GDPD3: variants seen among roughly 807,000 people sequenced by gnomAD.
The protein encoded by GDPD3 is glycerophosphodiester phosphodiesterase domain containing 3.
GDPD3 carries 40 observed loss-of-function variants against 43.7 expected under a neutral mutation model. That is an observed-to-expected ratio of 0.91 (90% CI 0.71 to 1.19). GDPD3 has a LOEUF of 1.19. Ranked by LOEUF, GDPD3 falls within the 50% of genes most tolerant of loss-of-function variation. GDPD3 has a pLI of 0.00. For missense variants in GDPD3, 363 were observed against 415.8 expected, an observed-to-expected ratio of 0.87 and a Z score of 1.11; for synonymous variants, 145 against 162.9, an observed-to-expected ratio of 0.89 and a Z score of 0.84.
chr16:30,108,684 G>A (rs921823658), intron 7 of GDPD3, among the ~76,000 whole-genome samples: 2 of 152,112 alleles, frequency 1.3e-5, no homozygotes, highest in Non-Finnish European at 1.5e-5. Flanking sequence ...CTTAGAGAAC[G>A]AAAGGGACTT....
Position 30,111,450 on chromosome 16 carries a change from C to A in GDPD3, c.645G>T (p.Leu215=). The A allele has an allele frequency of 6.2e-7, 1 of 1,614,018 alleles. No homozygotes were observed. Among genetic ancestry groups the A allele is most frequent in the Non-Finnish European group, 8.5e-7 (1 of 1,179,968 alleles). The part of the protein sequence containing the change: ...FWVLLSYYLG[L]LPFIPIPEKF... ...TCTCAGGGATTGGGATGAAGGGCAGCAGCCCCAGGTAGTAGGAAAGCAGCA... is the reference window on the plus strand; with the variant it reads ...TCTCAGGGATTGGGATGAAGGGCAGAAGCCCCAGGTAGTAGGAAAGCAGCA... The change falls in exon 7 of 10, where the codon CTG becomes CTT. Residue 215 remains leucine (L), a synonymous_variant. Coordinates refer to ENST00000406256, the MANE Select transcript of GDPD3 (RefSeq NM_024307.3).
intron 7 of GDPD3, among the ~76,000 whole-genome samples, chr16:30,109,032 C>T (rs56013963): frequency 6.6e-6 from 1 of 151,776 alleles, no homozygotes; most frequent in African/African-American, 2.4e-5. Flanking sequence ...GGGTTTCACC[C>T]TGTTAGCCAG....
At position 30,111,881 on chromosome 16, in the gene GDPD3, C is replaced by G. The variant is rs890450878; in HGVS notation, c.573+251G>C. ...CCAGGAGGCAGAGGTTGCAGTGAGC[C>G]GAGGTCGCACCACCGCACTCCAGCC... is the stretch of plus-strand genomic sequence containing the variant. On this transcript the variant is annotated intron_variant, in intron 6 of 9. Coordinates refer to ENST00000406256, the MANE Select transcript of GDPD3 (RefSeq NM_024307.3). The G allele has an allele frequency of 5.3e-6, 3 of 564,076 alleles. No individual in the cohort carries two copies. The African/African-American group carries it at 5.6e-5, about 11-fold the overall frequency. 34.9% of individuals were successfully genotyped at this position (564,076 alleles called of 1,614,324 possible). A position where few individuals can be genotyped will look rare whatever the true frequency, so the allele number is the denominator to read the frequency against.
intron 9 of GDPD3, among the ~76,000 whole-genome samples, chr16:30,105,788 C>A (rs2072856236): frequency 6.9e-6 from 1 of 145,936 alleles, no homozygotes; most frequent in African/African-American, 2.5e-5. Context: ...CAGGTGTGAG[C>A]CACCGCGCCC....
At chr16:30,111,294 G>T in intron 7 of GDPD3, 94 bp downstream of exon 7, 2 of 1,410,372 alleles carry the variant, frequency 1.4e-6, no homozygotes, top group Non-Finnish European at 1.9e-6. Context: ...GGTTATCTCT[G>T]AGGGGAGCTG....
In GDPD3 at chr16:30,113,427, G is replaced by A. The variant is rs745680408; in HGVS notation, c.52C>T (p.Leu18Phe). ...GGCCGGCGCAGGAAGAAGATGGAGA[G>A]CATGGCATAGCTGCCCAGGGCAGGG... is the stretch of plus-strand genomic sequence containing the variant. ...ALPALGSYAM[L>F]SIFFLRRPHL... Residue 18 changes from leucine to phenylalanine, a missense_variant, in exon 1 of 10, where the codon CTC becomes TTC. By Grantham distance (22) the Leu-to-Phe change is conservative. Coordinates refer to ENST00000406256, the MANE Select transcript of GDPD3 (RefSeq NM_024307.3). The surrounding 1 kb of genome is among the most constrained non-coding windows in gnomAD (Gnocchi z 5.9). 9 of 1,611,390 alleles carry A rather than the reference G, an allele frequency of 5.6e-6. No individual in the cohort carries two copies. The Admixed American group carries it at 1.5e-4, about 27-fold the overall frequency.
chr16:30,109,113 A>G (rs940155382), intron 7 of GDPD3, among the ~76,000 whole-genome samples: 1 of 152,004 alleles, frequency 6.6e-6, no homozygotes, highest in African/African-American at 2.4e-5. Flanking sequence ...TACAGGCGTG[A>G]GCCACCGTGC....
chr16:30,112,129 C>CA lies in GDPD3; in HGVS notation c.573+2dup. 1 of 1,612,540 alleles carries CA rather than the reference C, an allele frequency of 6.2e-7. No individual in the cohort carries two copies. The highest frequency in any genetic ancestry group is 8.5e-7 in the Non-Finnish European group (1 of 1,178,984). On this transcript the variant is annotated splice_region_variant and intron_variant, in intron 6 of 9. Coordinates refer to ENST00000406256, the MANE Select transcript of GDPD3 (RefSeq NM_024307.3). This position sits in a 1 kb window ranked among gnomAD's most constrained non-coding sequence, Gnocchi z 5.4. The stretch of plus-strand genomic sequence containing the variant: ...AGGACGGGGGAGGGGTGGGGGGACT[C>CA]ACGGCAGCCTTGCATTTCTTCATGA...
At chr16:30,108,055 G>A in intron 9 of GDPD3, 158 bp downstream of exon 9, 1 of 597,814 alleles carries the variant, frequency 1.7e-6, no homozygotes, top group Non-Finnish European at 3.0e-6. Context: ...GTGTGTGTGT[G>A]TGTATCCAGA....
chr16:30,109,921 C>T (rs2072887708), intron 7 of GDPD3, among the ~76,000 whole-genome samples: 1 of 152,144 alleles, frequency 6.6e-6, no homozygotes, highest in African/African-American at 2.4e-5. Flanking sequence ...TATCCCACTC[C>T]AGGGGTGACT....
chr16:30,112,202 C>A lies in GDPD3; in HGVS notation c.503G>T (p.Arg168Leu), dbSNP rs138146407. The part of the protein sequence containing the change: ...LIREIAGLVR[R>L]YDRNEITIWA... ...GATGGTGATTTCATTACGGTCATAG[C>A]GTCTCACCAAGCCTGCTATCTGGGA... Residue 168 changes from arginine (R) to leucine (L), a missense_variant, in exon 6 of 10, where the codon CGC becomes CTC. Arg to Leu is a moderately radical substitution (Grantham distance 102). Transcript: ENST00000406256. The surrounding 1 kb of genome is among the most constrained non-coding windows in gnomAD (Gnocchi z 5.4). 4.3e-4 allele frequency: 689 copies of A among 1,614,088 alleles called. 7 individuals carry two copies. The East Asian group carries it at 0.014, about 34-fold the overall frequency.
chr16:30,111,764 C>G (rs970465688), intron 6 of GDPD3: 1 of 541,384 alleles, frequency 1.8e-6, no homozygotes, highest in African/African-American at 1.9e-5. Context: ...AAAACCCCAT[C>G]TCTACTAAAA....
chr16:30,108,320 G>C (rs2072874797), intron 8 of GDPD3, 53 bp downstream of exon 8: 1 of 1,612,594 alleles, frequency 6.2e-7, no homozygotes, highest in African/African-American at 1.3e-5. Context: ...TGGGAGAAGG[G>C]CAGCAGTAGG....
At chr16:30,109,950 G>A (rs950221434) in intron 7 of GDPD3, among the ~76,000 whole-genome samples, 1 of 152,094 alleles carries the variant, frequency 6.6e-6, no homozygotes, top group Non-Finnish European at 1.5e-5. Context: ...CCTTGACAGT[G>A]TCCTAGGGCA....
rs1357541492 is a variant in GDPD3, at chr16:30,112,929, C to T, written c.182+93G>A. Reference sequence around the variant, plus strand: ...GCCACCTCCAGGGGGCGCCAGTCACCCAGCTAGGAAGTGAATGGCGTCCCT... The same window carrying T: ...GCCACCTCCAGGGGGCGCCAGTCACTCAGCTAGGAAGTGAATGGCGTCCCT... On this transcript the variant is annotated intron_variant, in intron 2 of 9. Coordinates refer to ENST00000406256, the MANE Select transcript of GDPD3 (RefSeq NM_024307.3). This position sits in a 1 kb window ranked among gnomAD's most constrained non-coding sequence, Gnocchi z 5.4. 1 of 1,487,484 alleles carries T rather than the reference C, an allele frequency of 6.7e-7. No homozygotes were observed. Among genetic ancestry groups the T allele is most frequent in the Non-Finnish European group, 9.3e-7 (1 of 1,070,926 alleles). The allele number at this position is 1,487,484 out of a possible 1,614,324, so 92.1% of individuals were successfully genotyped here.
chr16:30,111,660 TG>T, intron 6 of GDPD3, 139 bp from the exon 7 acceptor site: 2 of 944,570 alleles, frequency 2.1e-6, no homozygotes, highest in Non-Finnish European at 3.2e-6. Flanking sequence ...GGGCTGGGTG[TG>T]GTGGCTCACG....
At position 30,112,142 on chromosome 16, in the gene GDPD3, C is replaced by A; in HGVS notation, c.563G>T (p.Cys188Phe). Reference protein sequence around the residue: ...ASEKSSVMKKCKAANPEMPLS... With the variant: ...ASEKSSVMKKFKAANPEMPLS... ...GGTGGGGGGACTCACGGCAGCCTTG[C>A]ATTTCTTCATGACCGAGCTCTTCTC... Residue 188 changes from cysteine to phenylalanine, a missense_variant, in exon 6 of 10, where the codon TGC becomes TTC. Coordinates refer to ENST00000406256, the MANE Select transcript of GDPD3 (RefSeq NM_024307.3). The surrounding 1 kb of genome is among the most constrained non-coding windows in gnomAD (Gnocchi z 5.4). 1 of 1,613,654 alleles carries A rather than the reference C, an allele frequency of 6.2e-7. No individual in the cohort carries two copies. The highest frequency in any genetic ancestry group is 1.1e-5 in the South Asian group (1 of 91,056).
rs202089119 is a variant in GDPD3, at chr16:30,112,623, C to T, written c.318+35G>A. 1.9e-6 allele frequency: 3 copies of T among 1,613,876 alleles called. No homozygotes were observed. Among genetic ancestry groups the T allele is most frequent in the East Asian group, 2.2e-5 (1 of 44,878 alleles). Reference sequence around the variant, plus strand: ...GGCCCGCATTGGGCATGGTGACTCTCAGGGTGGGGGTTGGGGTGTCAGGGC... The same window carrying T: ...GGCCCGCATTGGGCATGGTGACTCTTAGGGTGGGGGTTGGGGTGTCAGGGC... On this transcript the variant is annotated intron_variant, in intron 3 of 9. Coordinates refer to ENST00000406256, the MANE Select transcript of GDPD3 (RefSeq NM_024307.3). This position sits in a 1 kb window ranked among gnomAD's most constrained non-coding sequence, Gnocchi z 5.4.
chr16:30,112,899 T>C lies in GDPD3; in HGVS notation c.183-106A>G. The C allele has an allele frequency of 6.7e-7, 1 of 1,491,908 alleles. No individual in the cohort carries two copies. Among genetic ancestry groups the C allele is most frequent in the South Asian group, 1.1e-5 (1 of 87,908 alleles). The allele number at this position is 1,491,908 out of a possible 1,614,324, so 92.4% of individuals were successfully genotyped here. A position where few individuals can be genotyped will look rare whatever the true frequency, so the allele number is the denominator to read the frequency against. ...TGAGAGCGGAGTTCGTGGCGGGATGTGCAGGCCACCTCCAGGGGGCGCCAG... is the reference window on the plus strand; with the variant it reads ...TGAGAGCGGAGTTCGTGGCGGGATGCGCAGGCCACCTCCAGGGGGCGCCAG... On this transcript the variant is annotated intron_variant, in intron 2 of 9. Coordinates refer to ENST00000406256, the MANE Select transcript of GDPD3 (RefSeq NM_024307.3). This position sits in a 1 kb window ranked among gnomAD's most constrained non-coding sequence, Gnocchi z 5.4.
Sources: gnomAD v4.1 joint callset for allele counts (sites outside exome capture counted in the v4.1 genomes callset) on GRCh38, gnomAD v4.1.1 for gene constraint, Gnocchi (gnomAD v3.1) non-coding constraint, MANE v1.5 for transcripts, NCBI Gene and HGNC (gene_info 2026-07-23, HGNC 2026-07-21) for gene names.